The following CELF2 variants were observed in gnomAD, a reference collection of about 807,000 sequenced individuals.
CELF2 encodes the protein CUGBP Elav-like family member 2, also known as CUG triplet repeat RNA-binding protein 2.
CELF2 carries 8 observed loss-of-function variants against 62.6 expected under a neutral mutation model. The observed-to-expected ratio is 0.13, with a 90% CI of 0.07 to 0.23. The LOEUF (loss-of-function observed/expected upper bound fraction) is 0.23, where lower values mean the gene tolerates loss of function less well. CELF2 is among the 10% of genes least tolerant of loss of function. CELF2 has a pLI of 1.00. For synonymous variants in CELF2, 258 were observed against 250.0 expected (o/e 1.03, Z -0.30); for missense variants, 333 against 671.0 (o/e 0.50, Z 5.56).
chr10:11,214,857 G>T lies in CELF2; in HGVS notation c.272-2568G>T, dbSNP rs1323513315. ...TGACTTCACCGTACTAGTTGTAAAG[G>T]CAGAGTGGACCTTGGATGAAACTAG... On this transcript the variant is annotated intron_variant, in intron 2 of 12. Transcript: ENST00000633077. The surrounding 1 kb of genome is among the most constrained non-coding windows in gnomAD (Gnocchi z 4.2). 6.6e-6 allele frequency among the ~76,000 whole-genome samples: 1 copy of T among 152,196 alleles called. No individual in the cohort carries two copies. Among genetic ancestry groups the T allele is most frequent in the Non-Finnish European group, 1.5e-5 (1 of 68,032 alleles).
chr10:11,232,166 C>T (rs112060450), intron 3 of CELF2, among the ~76,000 whole-genome samples: 15 of 152,194 alleles, frequency 9.9e-5, no homozygotes, highest in African/African-American at 2.9e-4. Context: ...CAACAGGCCC[C>T]GGTGTGTGAT....
Position 10,983,594 on chromosome 10 carries a change from G to A in CELF2, c.89+63595G>A, listed in dbSNP as rs1005299614. 1.3e-5 allele frequency among the ~76,000 whole-genome samples: 2 copies of A among 152,174 alleles called. No homozygotes were observed. The highest frequency in any genetic ancestry group is 4.8e-5 in the African/African-American group (2 of 41,438). ...TTTTGGTTTATTTTTTTGAGACAGA[G>A]TCTCACTCTGCTGCCCAGGCTGGAG... On this transcript the variant is annotated intron_variant, in intron 2 of 13. Transcript: ENST00000636488. This position sits in a 1 kb window ranked among gnomAD's most constrained non-coding sequence, Gnocchi z 5.2.
intron 2 of CELF2, among the ~76,000 whole-genome samples, chr10:10,965,581 C>T (rs570266935): frequency 6.6e-6 from 1 of 152,214 alleles, no homozygotes; most frequent in East Asian, 1.9e-4. Flanking sequence ...CCAGGTGATG[C>T]TAATACACTT....
At chr10:11,101,879 G>A (rs943977963) in intron 1 of CELF2, among the ~76,000 whole-genome samples, 1 of 152,172 alleles carries the variant, frequency 6.6e-6, no homozygotes, top group African/African-American at 2.4e-5. Context: ...TTTCAATAAT[G>A]ACAGGAAAAT....
At chr10:10,480,415 A>T in the CELF2 span, among the ~76,000 whole-genome samples, 1 of 152,166 alleles carries the variant, frequency 6.6e-6, no homozygotes, top group Non-Finnish European at 1.5e-5. Flanking sequence ...CCATAGCCCA[A>T]GCTCTCCTGA....
chr10:10,814,989 A>G (rs1273079940), intron 1 of CELF2, among the ~76,000 whole-genome samples: 3 of 152,172 alleles, frequency 2.0e-5, no homozygotes, highest in Non-Finnish European at 2.9e-5. Flanking sequence ...CCACTTCACA[A>G]TCAATTGCCC....
chr10:10,474,938 T>C, the CELF2 span, among the ~76,000 whole-genome samples: 3 of 152,034 alleles, frequency 2.0e-5, no homozygotes, highest in Non-Finnish European at 4.4e-5. Flanking sequence ...TCTGAAGGGT[T>C]CACTGGTGAA....
intron 2 of CELF2, among the ~76,000 whole-genome samples, chr10:10,977,320 G>A (rs1327343060): frequency 2.6e-5 from 4 of 152,172 alleles, no homozygotes; most frequent in Admixed American, 6.5e-5. Context: ...TGATGCTGCA[G>A]GTCCACGATG....
upstream of CELF2, among the ~76,000 whole-genome samples, chr10:11,004,214 A>T (rs553852237): frequency 6.6e-6 from 1 of 152,208 alleles, no homozygotes; most frequent in African/African-American, 2.4e-5. This position sits in a 1 kb window ranked among gnomAD's most constrained non-coding sequence, Gnocchi z 5.0. Flanking sequence ...TCCAGGTTAT[A>T]CTGAGGTGCA....
At chr10:10,728,876 A>G in the CELF2 span, among the ~76,000 whole-genome samples, 2 of 152,220 alleles carry the variant, frequency 1.3e-5, no homozygotes, top group African/African-American at 4.8e-5. Flanking sequence ...AATGTGGAAT[A>G]TACTTGAGTT....
intron 1 of CELF2, among the ~76,000 whole-genome samples, chr10:10,913,379 CTTTTTTTTTTT>C (rs34163796): frequency 5.2e-5 from 3 of 57,360 alleles, no homozygotes; most frequent in Admixed American, 2.9e-4. Context: ...GTAATGATGT[CTTTTTTTTTTT>C]TTTTTTTTTT....
chr10:10,543,151 T>C, the CELF2 span, among the ~76,000 whole-genome samples: 1 of 152,168 alleles, frequency 6.6e-6, no homozygotes, highest in Admixed American at 6.5e-5. Context: ...TGCTGATCTC[T>C]CCTATACTAC....
At chr10:10,882,330 G>A (rs1354488715) in intron 1 of CELF2, among the ~76,000 whole-genome samples, 5 of 152,204 alleles carry the variant, frequency 3.3e-5, no homozygotes, top group African/African-American at 1.2e-4. Flanking sequence ...GCCTCCTCTG[G>A]CTGAAATTGC....
intron 1 of CELF2, among the ~76,000 whole-genome samples, chr10:10,845,251 C>T (rs1229504656): frequency 1.3e-5 from 2 of 151,518 alleles, no homozygotes; most frequent in Non-Finnish European, 2.9e-5. Flanking sequence ...AAACATGTTT[C>T]CAAAGGCTAA....
rs2653528 is a variant in CELF2, at chr10:11,242,169, G to A, written c.355-6984G>A. Among the ~76,000 whole-genome samples, 107,218 of 152,124 alleles carry A rather than the reference G, an allele frequency of 0.7. 39,737 individuals carry two copies. Among genetic ancestry groups the A allele is most frequent in the Non-Finnish European group, 0.83 (56,746 of 68,022 alleles). On this transcript the variant is annotated intron_variant, in intron 3 of 12. Coordinates refer to ENST00000633077, the MANE Select transcript of CELF2 (RefSeq NM_001326342.2). The surrounding 1 kb of genome is among the most constrained non-coding windows in gnomAD (Gnocchi z 4.8). ...GTGCTAGCACGGCTGCTCTCTCCAG[G>A]GGTCAGGATGGGTTTAATAATGAGA...
chr10:10,649,856 C>T, the CELF2 span, among the ~76,000 whole-genome samples: 2 of 152,200 alleles, frequency 1.3e-5, no homozygotes, highest in East Asian at 3.8e-4. Flanking sequence ...TGAGAGGCTA[C>T]ATTCGGATTC....
chr10:10,809,525 T>C (rs945361019), intron 1 of CELF2, among the ~76,000 whole-genome samples: 2 of 152,232 alleles, frequency 1.3e-5, no homozygotes, highest in Non-Finnish European at 2.9e-5. Context: ...AATTTCTCTT[T>C]TCCTTAGCAG....
At chr10:10,596,749 CT>C in the CELF2 span, among the ~76,000 whole-genome samples, 1 of 152,218 alleles carries the variant, frequency 6.6e-6, no homozygotes, top group Admixed American at 6.5e-5. Flanking sequence ...CTCAGCTGTC[CT>C]TTCTTCCTCT....
the CELF2 span, among the ~76,000 whole-genome samples, chr10:10,726,418 G>T: frequency 6.6e-6 from 1 of 152,248 alleles, no homozygotes; most frequent in Admixed American, 6.5e-5. Flanking sequence ...GGAGTTTCTA[G>T]GTCATCAGCT....
Sources: allele counts gnomAD v4.1 joint callset (sites outside exome capture counted in the v4.1 genomes callset), GRCh38; gene constraint gnomAD v4.1.1; non-coding constraint Gnocchi (gnomAD v3.1); transcripts MANE v1.5; gene names NCBI Gene and HGNC (gene_info 2026-07-23, HGNC 2026-07-21).